KIRREL3: variants seen among roughly 807,000 people sequenced by gnomAD.
KIRREL3 encodes kirre like nephrin family adhesion molecule 3.
A neutral mutation model predicts 89.7 loss-of-function variants in KIRREL3; 36 were observed. The observed-to-expected ratio is 0.40, with a 90% CI of 0.31 to 0.53. The LOEUF (loss-of-function observed/expected upper bound fraction) is 0.53. Among genes scored for constraint, KIRREL3 ranks in the 20% least tolerant of loss-of-function variants. The probability of loss-of-function intolerance (pLI) is 0.49; values close to 1 mark genes in which losing one functional copy is unlikely to be tolerated. For synonymous variants in KIRREL3, 445 were observed against 441.4 expected (o/e 1.01, Z -0.10); for missense variants, 864 against 1,056.6 (o/e 0.82, Z 2.53).
At chr11:126,440,264 C>T (rs762504732) in intron 11 of KIRREL3, 185 bp downstream of exon 11, 6 of 709,632 alleles carry the variant, frequency 8.5e-6, no homozygotes, top group South Asian at 6.0e-5. Flanking sequence ...ACTGCCTGTT[C>T]TGAGAAAGGC....
In KIRREL3 at chr11:126,462,953, C is replaced by A. The variant is rs540746939; in HGVS notation, c.742+204G>T. Among the ~76,000 whole-genome samples the A allele has an allele frequency of 6.6e-6, 1 of 152,202 alleles. No individual in the cohort carries two copies. The highest frequency in any genetic ancestry group is 1.5e-5 in the Non-Finnish European group (1 of 68,036). On this transcript the variant is annotated intron_variant, in intron 6 of 16. Transcript: ENST00000525144. The surrounding 1 kb of genome is among the most constrained non-coding windows in gnomAD (Gnocchi z 4.8). ...AAATGTGGCCTGAAGATGTCCTTTG[C>A]GAAAGACCCTCATCTGTGAGGTTGC...
chr11:127,000,792 A>T, upstream of KIRREL3: 1 of 489,010 alleles, frequency 2.0e-6, no homozygotes, highest in Non-Finnish European at 3.6e-6. This position sits in a 1 kb window ranked among gnomAD's most constrained non-coding sequence, Gnocchi z 7.1. Context: ...TCCCAGGCAC[A>T]CGGCTTCCTC....
At chr11:126,603,027 G>A (rs927845091) in intron 1 of KIRREL3, among the ~76,000 whole-genome samples, 4 of 152,064 alleles carry the variant, frequency 2.6e-5, no homozygotes, top group Non-Finnish European at 1.5e-5. Flanking sequence ...TCAGACCAAG[G>A]AACCCTAGAA....
rs1942860510 is a variant in KIRREL3, at chr11:126,605,705, G to A, written c.56-42793C>T. On this transcript the variant is annotated intron_variant, in intron 1 of 16. Coordinates refer to ENST00000525144, the MANE Select transcript of KIRREL3 (RefSeq NM_032531.4). This position sits in a 1 kb window ranked among gnomAD's most constrained non-coding sequence, Gnocchi z 5.7. ...ACACATATCCGTCATGCTGGGCCTG[G>A]AGCTGTGCGTCCCGCCTGAGTTGAG... 6.6e-6 allele frequency among the ~76,000 whole-genome samples: 1 copy of A among 152,222 alleles called. No homozygotes were observed.
chr11:126,431,401 C>T lies in KIRREL3; in HGVS notation c.1696+18G>A, dbSNP rs369133009. 3.0e-5 allele frequency: 48 copies of T among 1,613,562 alleles called. No homozygotes were observed. Among genetic ancestry groups the T allele is most frequent in the Middle Eastern group, 1.6e-4 (1 of 6,082 alleles). Reference sequence around the variant, plus strand: ...TTCTCTGTCCCCCTCCCTGAGATCCCGGATCTCCCTCCCGTACTTCTCTGG... The same window carrying T: ...TTCTCTGTCCCCCTCCCTGAGATCCTGGATCTCCCTCCCGTACTTCTCTGG... On this transcript the variant is annotated intron_variant, in intron 14 of 16. Transcript: ENST00000525144. This position sits in a 1 kb window ranked among gnomAD's most constrained non-coding sequence, Gnocchi z 7.1.
intron 5 of KIRREL3, among the ~76,000 whole-genome samples, chr11:126,464,209 AAGAAG>A (rs1270736331): frequency 3.7e-4 from 56 of 152,168 alleles, no homozygotes; most frequent in African/African-American, 1.3e-3. Flanking sequence ...GTGTCCTTGG[AAGAAG>A]AGAAGAGAGT....
chr11:126,455,831 A>C lies in KIRREL3; in HGVS notation c.848+518T>G, dbSNP rs574894154. ...AAAGAAACAAACAAACAAACAAACC[A>C]ACAAACCAAACAGTGGTGCTTTTAT... On this transcript the variant is annotated intron_variant, in intron 7 of 16. Coordinates refer to ENST00000525144, the MANE Select transcript of KIRREL3 (RefSeq NM_032531.4). The surrounding 1 kb of genome is among the most constrained non-coding windows in gnomAD (Gnocchi z 6.4). Among the ~76,000 whole-genome samples, 22 of 151,668 alleles carry C rather than the reference A, an allele frequency of 1.5e-4. No homozygotes were observed. Among genetic ancestry groups the C allele is most frequent in the Non-Finnish European group, 2.8e-4 (19 of 67,944 alleles).
At chr11:126,695,354 G>T (rs1046370490) in intron 1 of KIRREL3, among the ~76,000 whole-genome samples, 2 of 114,110 alleles carry the variant, frequency 1.8e-5, no homozygotes, top group African/African-American at 6.8e-5. Flanking sequence ...CTTTTCCATT[G>T]TTTAACTGTA....
rs1429755958 is a variant in KIRREL3 at position 126,970,771 on chromosome 11, A to G, written c.55+29684T>C. 6.6e-6 allele frequency among the ~76,000 whole-genome samples: 1 copy of G among 152,194 alleles called. No homozygotes were observed. Among genetic ancestry groups the G allele is most frequent in the African/African-American group, 2.4e-5 (1 of 41,446 alleles). ...GTGAAGGAACTCCATTTAATTTAGA[A>G]CATTGCTTCCATGAGAACAAGGTTT... On this transcript the variant is annotated intron_variant, in intron 1 of 16. Transcript: ENST00000525144. This position sits in a 1 kb window ranked among gnomAD's most constrained non-coding sequence, Gnocchi z 4.4.
chr11:126,700,232 C>T (rs937269997), intron 1 of KIRREL3, among the ~76,000 whole-genome samples: 3 of 151,346 alleles, frequency 2.0e-5, no homozygotes, highest in South Asian at 2.1e-4. Flanking sequence ...TTCAGAGAAC[C>T]GAAGTGACTT....
chr11:126,644,243 CT>C (rs1291608698), intron 1 of KIRREL3, among the ~76,000 whole-genome samples: 1 of 152,140 alleles, frequency 6.6e-6, no homozygotes, highest in African/African-American at 2.4e-5. Flanking sequence ...GGACGAAAAG[CT>C]GAGTGTTACT....
chr11:126,560,481 C>T (rs188515337), intron 2 of KIRREL3, among the ~76,000 whole-genome samples: 1 of 152,318 alleles, frequency 6.6e-6, no homozygotes, highest in African/African-American at 2.4e-5. Flanking sequence ...TGCAATTACT[C>T]TAACTTATGA....
chr11:126,998,918 T>TGA (rs1950245102), intron 1 of KIRREL3, among the ~76,000 whole-genome samples: 1 of 6,472 alleles, frequency 1.5e-4, no homozygotes, highest in Non-Finnish European at 1.7e-3. Context: ...CGAATGGGAG[T>TGA]GTGTGTGTGT....
At chr11:126,517,756 C>T (rs954895536) in intron 4 of KIRREL3, among the ~76,000 whole-genome samples, 4 of 152,140 alleles carry the variant, frequency 2.6e-5, no homozygotes, top group Non-Finnish European at 4.4e-5. Context: ...CTTTTGGGAG[C>T]GAGACAGTTC....
chr11:126,860,622 C>G lies in KIRREL3; in HGVS notation c.55+139833G>C, dbSNP rs1011398702. ...ATTAGGGCTGAAGAGTTGGGACCTA[C>G]CCTATAAACAACGTATAGTTGTTGA... On this transcript the variant is annotated intron_variant, in intron 1 of 16. Coordinates refer to ENST00000525144, the MANE Select transcript of KIRREL3 (RefSeq NM_032531.4). The surrounding 1 kb of genome is among the most constrained non-coding windows in gnomAD (Gnocchi z 4.6). Among the ~76,000 whole-genome samples the G allele has an allele frequency of 6.6e-6, 1 of 152,150 alleles. No individual in the cohort carries two copies. The highest frequency in any genetic ancestry group is 2.4e-5 in the African/African-American group (1 of 41,408).
intron 1 of KIRREL3, among the ~76,000 whole-genome samples, chr11:126,586,105 G>A (rs1157269278): frequency 2.0e-5 from 3 of 152,050 alleles, no homozygotes; most frequent in Non-Finnish European, 2.9e-5. Context: ...ATCCCTCCCC[G>A]GACGTGGCGG....
intron 1 of KIRREL3, among the ~76,000 whole-genome samples, chr11:126,762,734 G>C (rs1949703702): frequency 6.6e-6 from 1 of 152,158 alleles, no homozygotes; most frequent in Non-Finnish European, 1.5e-5. Context: ...TTGAGCCTTT[G>C]TCACATGGCC....
At chr11:126,702,117 A>G (rs1947335218) in intron 1 of KIRREL3, among the ~76,000 whole-genome samples, 1 of 152,176 alleles carries the variant, frequency 6.6e-6, no homozygotes. Flanking sequence ...CATCTTGGGT[A>G]GTCTGCTAAG....
rs546806541 is a variant in KIRREL3, at chr11:126,734,392, G to A, written c.56-171480C>T. On this transcript the variant is annotated intron_variant, in intron 1 of 16. Coordinates refer to ENST00000525144, the MANE Select transcript of KIRREL3 (RefSeq NM_032531.4). This position sits in a 1 kb window ranked among gnomAD's most constrained non-coding sequence, Gnocchi z 5.9. Reference sequence around the variant, plus strand: ...ACTTAAGAAATATTTGGCCAGGCGCGGTGGCTCATGCATGTAATCCCAGCA... The same window carrying A: ...ACTTAAGAAATATTTGGCCAGGCGCAGTGGCTCATGCATGTAATCCCAGCA... 1.6e-4 allele frequency among the ~76,000 whole-genome samples: 24 copies of A among 152,230 alleles called. No individual in the cohort carries two copies. Among genetic ancestry groups the A allele is most frequent in the Admixed American group, 5.9e-4 (9 of 15,278 alleles).
Sources: gnomAD v4.1 joint callset for allele counts (sites outside exome capture counted in the v4.1 genomes callset) on GRCh38, gnomAD v4.1.1 for gene constraint, Gnocchi (gnomAD v3.1) non-coding constraint, MANE v1.5 for transcripts, NCBI Gene and HGNC (gene_info 2026-07-23, HGNC 2026-07-21) for gene names.